The following SIGLEC1 variants were observed in gnomAD, a reference collection of about 807,000 sequenced individuals.
The protein encoded by SIGLEC1 is sialic acid binding Ig like lectin 1, also known as sialoadhesin.
A neutral mutation model predicts 148.0 loss-of-function variants in SIGLEC1; 132 were observed. The ratio of observed to expected loss-of-function variants is 0.89; its 90% CI spans 0.77 to 1.03. The LOEUF is 1.03. Among genes scored for constraint, SIGLEC1 ranks in the 50% least tolerant of loss-of-function variants. The pLI, the probability that SIGLEC1 is intolerant of heterozygous loss-of-function variation, is 0.00. For missense variants in SIGLEC1, 2,253 were observed against 2,271.4 expected, an observed-to-expected ratio of 0.99 and a Z score of 0.16; for synonymous variants, 945 against 969.0, an observed-to-expected ratio of 0.98 and a Z score of 0.46.
At position 3,704,034 on chromosome 20, in the gene SIGLEC1, C is replaced by T; in HGVS notation, c.764G>A (p.Gly255Asp). The change falls in exon 5 of 22, where the codon GGT becomes GAT. Residue 255 changes from glycine to aspartate, a missense_variant. Gly to Asp is a moderately conservative substitution (Grantham distance 94). Transcript: ENST00000344754. ...CTGGCAGGTGAGTGTGACCAGCTCA[C>T]CTGGAAGGATGTTCCTCCCCGAGGG... is the stretch of plus-strand genomic sequence containing the variant. ...LSPSGRNILPGELVTLTCQVN... is the reference protein window; with the variant it reads ...LSPSGRNILPDELVTLTCQVN... 6.2e-7 allele frequency: 1 copy of T among 1,613,664 alleles called. No homozygotes were observed. The highest frequency in any genetic ancestry group is 1.3e-5 in the African/African-American group (1 of 75,010).
At chr20:3,693,287 C>T (rs1325588010) in intron 14 of SIGLEC1, among the ~76,000 whole-genome samples, 156 bp from the exon 15 acceptor site, 1 of 152,218 alleles carries the variant, frequency 6.6e-6, no homozygotes, top group Non-Finnish European at 1.5e-5. Context: ...AGACAGGACT[C>T]ACCCCAGCGC....
chr20:3,693,708 G>A lies in SIGLEC1; in HGVS notation c.3257-10C>T. 6.4e-7 allele frequency: 1 copy of A among 1,565,764 alleles called. No homozygotes were observed. Among genetic ancestry groups the A allele is most frequent in the East Asian group, 2.3e-5 (1 of 44,260 alleles). ...ACCTGCACATTCACAGCTGGGGAGAGGGAGGGCACAGGACACCAGTGAGGG... is the reference window on the plus strand; with the variant it reads ...ACCTGCACATTCACAGCTGGGGAGAAGGAGGGCACAGGACACCAGTGAGGG... On this transcript the variant is annotated splice_polypyrimidine_tract_variant and intron_variant, in intron 13 of 21. Transcript: ENST00000344754.
At position 3,692,676 on chromosome 20, in the gene SIGLEC1, T is replaced by C; in HGVS notation, c.3875A>G (p.Tyr1292Cys). 5.6e-6 allele frequency: 9 copies of C among 1,613,078 alleles called. 1 individual carries two copies. Among genetic ancestry groups the C allele is most frequent in the Non-Finnish European group, 7.6e-6 (9 of 1,180,012 alleles). Residue 1292 changes from tyrosine (Y) to cysteine (C), a missense_variant, in exon 16 of 22, where the codon TAT becomes TGT. By Grantham distance (194) the Tyr-to-Cys change is radical. Transcript: ENST00000344754. ...ADPAAHAPTL[Y>C]TWYHNGRWLQ... The stretch of plus-strand genomic sequence containing the variant: ...CCAACGACCGTTGTGGTACCAAGTA[T>C]AGAGTGTGGGTGCGTGGGCAGCAGG...
At chr20:3,711,283 T>C (rs2087927366) in intron 1 of SIGLEC1, among the ~76,000 whole-genome samples, 1 of 152,114 alleles carries the variant, frequency 6.6e-6, no homozygotes, top group Admixed American at 6.5e-5. Flanking sequence ...ACTCCTACTA[T>C]TGGTATGTGT....
At chr20:3,691,676 G>C (rs117026083) in intron 17 of SIGLEC1, 76 bp from the exon 18 acceptor site, 86,997 of 1,545,038 alleles carry the variant, frequency 0.056, 2,769 homozygotes, top group Non-Finnish European at 0.066. Context: ...GGACCTCTGA[G>C]GGGCCTCTGC....
rs756046773 is a variant in SIGLEC1 at position 3,706,529 on chromosome 20, G to A, written c.227C>T (p.Pro76Leu). 3.7e-6 allele frequency: 6 copies of A among 1,612,994 alleles called. No homozygotes were observed. In the East Asian group the frequency reaches 1.3e-4, roughly 36 times the overall value. ...GCGGAAGCGGGCCTCCACCAGCTTG[G>A]GGTCCGCCGAGTGGCTCACCACCTG... ...QRQVVSHSAD[P>L]KLVEARFRGR... The change falls in exon 3 of 22, where the codon CCC (proline) becomes CTC (leucine). Residue 76 changes from proline to leucine, a missense_variant. Physicochemically the swap from Pro to Leu is moderately conservative, Grantham distance 98 (BLOSUM62 -3). Coordinates refer to ENST00000344754, the MANE Select transcript of SIGLEC1 (RefSeq NM_023068.4).
intron 14 of SIGLEC1, 49 bp downstream of exon 14, chr20:3,693,398 G>A (rs1031720953): frequency 2.6e-6 from 4 of 1,523,108 alleles, no homozygotes; most frequent in Non-Finnish European, 3.5e-6. Context: ...TGATCCCTGT[G>A]GGCTTCTGTC....
rs768807544 is a variant in SIGLEC1 at position 3,693,489 on chromosome 20, G to C, written c.3466C>G (p.Arg1156Gly). The C allele has an allele frequency of 3.1e-6, 5 of 1,603,646 alleles. No homozygotes were observed. Among genetic ancestry groups the C allele is most frequent in the Non-Finnish European group, 4.3e-6 (5 of 1,174,026 alleles). Residue 1156 changes from arginine to glycine, a missense_variant, in exon 14 of 22, where the codon CGG (arginine) becomes GGG (glycine). Physicochemically the swap from Arg to Gly is moderately radical, Grantham distance 125. Transcript: ENST00000344754. The stretch of plus-strand genomic sequence containing the variant: ...ATAGGTCTGGAGAGGCGGGGTGCCC[G>C]ACCAGGGGGGCCCACACCGCAGCGG... ...SYRCGVGPPGRAPRLSRPITL... is the reference protein window; with the variant it reads ...SYRCGVGPPGGAPRLSRPITL...
rs761102729 is a variant in SIGLEC1, at chr20:3,706,386, G to A, written c.370C>T (p.Arg124Cys). ...AAGGTGCCTTTCACATCTGACCAGC[G>A]GTTGACCTCACTGATCTCGAAGCGG... ...NFRFEISEVN[R>C]WSDVKGTLVT... Residue 124 changes from arginine to cysteine, a missense_variant, in exon 3 of 22, where the codon CGC becomes TGC. Physicochemically the swap from Arg to Cys is radical, Grantham distance 180. Transcript: ENST00000344754. 40 of 1,613,766 alleles carry A rather than the reference G, an allele frequency of 2.5e-5. No individual in the cohort carries two copies. Among genetic ancestry groups the A allele is most frequent in the Middle Eastern group, 1.6e-4 (1 of 6,084 alleles).
chr20:3,695,915 G>A (rs1314607417), intron 11 of SIGLEC1, among the ~76,000 whole-genome samples: 2 of 151,718 alleles, frequency 1.3e-5, no homozygotes, highest in Non-Finnish European at 1.5e-5. Flanking sequence ...AGGTTCAAAC[G>A]ATTCGCCTGC....
chr20:3,703,354 GCGGAGAT>G lies in SIGLEC1; in HGVS notation c.1064_1070del (p.Asp355AlafsTer51). 1 of 1,613,956 alleles carries G rather than the reference GCGGAGAT, an allele frequency of 6.2e-7. No individual in the cohort carries two copies. Among genetic ancestry groups the G allele is most frequent in the Non-Finnish European group, 8.5e-7 (1 of 1,179,898 alleles). ...GGACATGGTTCTTGTACCAGCTGTA[GCGGAGAT>G]CACTGGGTGCCTCATTGGGTGTGTT... On this transcript the variant is annotated frameshift_variant, in exon 6 of 22. Coordinates refer to ENST00000344754, the MANE Select transcript of SIGLEC1 (RefSeq NM_023068.4). LOFTEE classifies it high-confidence loss of function.
At chr20:3,692,344 G>A in intron 16 of SIGLEC1, 142 bp from the exon 17 acceptor site, 1 of 1,169,154 alleles carries the variant, frequency 8.6e-7, no homozygotes, top group South Asian at 1.6e-5. Flanking sequence ...GAGTCCTGTG[G>A]GCAGAGTGCT....
At chr20:3,699,601 C>G in intron 7 of SIGLEC1, 142 bp from the exon 8 acceptor site, 1 of 1,035,308 alleles carries the variant, frequency 9.7e-7, no homozygotes, top group Non-Finnish European at 1.4e-6. Flanking sequence ...AGGGTTTGCC[C>G]TTTAATGCCA....
chr20:3,704,106 AG>A lies in SIGLEC1; in HGVS notation c.707-16del. 6.2e-7 allele frequency: 1 copy of A among 1,608,082 alleles called. No individual in the cohort carries two copies. On this transcript the variant is annotated splice_polypyrimidine_tract_variant and intron_variant, in intron 4 of 21. Transcript: ENST00000344754. Reference sequence around the variant, plus strand: ...CTTGGGGGCATCTGCAAGTCACAGTAGGGGGTATTGGGTAAGGTGCTTGGGG... The same window carrying A: ...CTTGGGGGCATCTGCAAGTCACAGTAGGGGTATTGGGTAAGGTGCTTGGGG...
chr20:3,692,904 G>C lies in SIGLEC1; in HGVS notation c.3736C>G (p.Pro1246Ala). The change falls in exon 15 of 22, where the codon CCT (proline) becomes GCT (alanine). Residue 1246 changes from proline to alanine, a missense_variant. Transcript: ENST00000344754. Reference sequence around the variant, plus strand: ...AGGGACGTGTTGGCCTGGCCCAGAGGGCTGCGGGCAGAGCAGCTGTAGAAA... The same window carrying C: ...AGGGACGTGTTGGCCTGGCCCAGAGCGCTGCGGGCAGAGCAGCTGTAGAAA... ...EGFYSCSARSPLGQANTSLEL... is the reference protein window; with the variant it reads ...EGFYSCSARSALGQANTSLEL... The C allele has an allele frequency of 6.2e-7, 1 of 1,612,108 alleles. No homozygotes were observed. The highest frequency in any genetic ancestry group is 8.5e-7 in the Non-Finnish European group (1 of 1,179,872).
At chr20:3,708,051 C>T (rs747554915) in intron 1 of SIGLEC1, among the ~76,000 whole-genome samples, 5 of 152,268 alleles carry the variant, frequency 3.3e-5, no homozygotes, top group African/African-American at 4.8e-5. Flanking sequence ...CATAGCAGTG[C>T]GGAGCCTACC....
rs766150517 is a variant in SIGLEC1 at position 3,692,726 on chromosome 20, G to A, written c.3825C>T (p.Ala1275=). 6.2e-7 allele frequency: 1 copy of A among 1,612,188 alleles called. No individual in the cohort carries two copies. The highest frequency in any genetic ancestry group is 1.1e-5 in the South Asian group (1 of 91,070). ...GGTCCGCACAGGTCACTGTGATGGG[G>A]GCACCTTCAGGCACGGCAGCCTCCG... ...LAPEAAVPEG[A]PITVTCADPA... is the part of the protein sequence containing the mutation. Residue 1275 remains alanine (A), a synonymous_variant, in exon 16 of 22, where the codon GCC becomes GCT. Coordinates refer to ENST00000344754, the MANE Select transcript of SIGLEC1 (RefSeq NM_023068.4).
chr20:3,693,023 C>A lies in SIGLEC1; in HGVS notation c.3617G>T (p.Ser1206Ile), dbSNP rs1281546780. The A allele has an allele frequency of 6.2e-7, 1 of 1,611,622 alleles. No homozygotes were observed. Among genetic ancestry groups the A allele is most frequent in the Non-Finnish European group, 8.5e-7 (1 of 1,179,630 alleles). The change falls in exon 15 of 22, where the codon AGC (serine) becomes ATC (isoleucine). Residue 1206 changes from serine to isoleucine, a missense_variant. Physicochemically the swap from Ser to Ile is moderately radical, Grantham distance 142. Coordinates refer to ENST00000344754, the MANE Select transcript of SIGLEC1 (RefSeq NM_023068.4). Reference protein sequence around the residue: ...DSRPPAQLALSHAGRLLASST... With the variant: ...DSRPPAQLALIHAGRLLASST... ...GGAGGCCAAGAGGCGACCGGCGTGG[C>A]TGAGGGCCAGCTGGGCGGGCGGGCG...
At chr20:3,693,170 C>T in intron 14 of SIGLEC1, 39 bp from the exon 15 acceptor site, 1 of 1,504,616 alleles carries the variant, frequency 6.6e-7, no homozygotes, top group South Asian at 1.3e-5. Context: ...TCACAGGCAG[C>T]AGCCTGCAGG....
Sources: gnomAD v4.1 joint callset for allele counts (sites outside exome capture counted in the v4.1 genomes callset) on GRCh38, gnomAD v4.1.1 for gene constraint, MANE v1.5 for transcripts, NCBI Gene and HGNC (gene_info 2026-07-23, HGNC 2026-07-21) for gene names.